The following EHF variants were observed in gnomAD, a reference collection of about 807,000 sequenced individuals.
The protein encoded by EHF is ETS homologous factor.
EHF carries 14 observed loss-of-function variants against 45.1 expected under a neutral mutation model. The ratio of observed to expected loss-of-function variants is 0.31; its 90% CI spans 0.21 to 0.49. The LOEUF (loss-of-function observed/expected upper bound fraction) is 0.49, where lower values mean the gene tolerates loss of function less well. Ranked by LOEUF, EHF falls within the 20% of genes least tolerant of loss-of-function variation. EHF has a pLI of 0.99. For synonymous variants in EHF, 136 were observed against 131.8 expected (o/e 1.03, Z -0.22); for missense variants, 282 against 371.4 (o/e 0.76, Z 1.98).
chr11:34,651,016 C>A (rs1422622721), intron 4 of EHF, among the ~76,000 whole-genome samples: 3 of 151,936 alleles, frequency 2.0e-5, no homozygotes, highest in Non-Finnish European at 4.4e-5. Flanking sequence ...GGGCTGTCAC[C>A]CAACTTGGAT....
Position 34,651,869 on chromosome 11 carries a change from CCA to C in EHF, c.544+65_544+66del. ...GCTTAGGGAGAATCAGTGGGAATTACCAACACTCTACATTTCTGCCTTTCTGG... is the reference window on the plus strand; with the variant it reads ...GCTTAGGGAGAATCAGTGGGAATTACACACTCTACATTTCTGCCTTTCTGG... On this transcript the variant is annotated intron_variant, in intron 6 of 8. Coordinates refer to ENST00000257831, the MANE Select transcript of EHF (RefSeq NM_012153.6). 5 of 1,456,190 alleles carry C rather than the reference CCA, an allele frequency of 3.4e-6. No individual in the cohort carries two copies. The Admixed American group carries it at 9.1e-5, about 27-fold the overall frequency. The allele number at this position is 1,456,190 out of a possible 1,614,324, so 90.2% of individuals were successfully genotyped here. A position where few individuals can be genotyped will look rare whatever the true frequency, so the allele number is the denominator to read the frequency against.
intron 7 of EHF, among the ~76,000 whole-genome samples, chr11:34,657,312 C>T (rs1341316391): frequency 6.6e-6 from 1 of 152,150 alleles, no homozygotes; most frequent in Non-Finnish European, 1.5e-5. Flanking sequence ...TAAGAAGAAA[C>T]AGCTGAGATG....
intron 1 of EHF, chr11:34,632,364 C>A: frequency 1.1e-6 from 1 of 948,936 alleles, no homozygotes; most frequent in Non-Finnish European, 1.5e-6. Context: ...ACTGAATTAA[C>A]AGCTCTGTTT....
intron 1 of EHF, among the ~76,000 whole-genome samples, chr11:34,634,260 T>C (rs1853182510): frequency 6.6e-6 from 1 of 152,214 alleles, no homozygotes; most frequent in Non-Finnish European, 1.5e-5. Flanking sequence ...GTCAGTAAGC[T>C]GTTGCAACAT....
At chr11:34,647,554 G>C (rs565641613) in intron 3 of EHF, among the ~76,000 whole-genome samples, 1 of 152,250 alleles carries the variant, frequency 6.6e-6, no homozygotes, top group Admixed American at 6.5e-5. Flanking sequence ...ATCCTGAAAA[G>C]TAGCAATATT....
chr11:34,631,681 AG>A (rs1322228089), intron 1 of EHF: 6 of 591,374 alleles, frequency 1.0e-5, no homozygotes, highest in African/African-American at 8.1e-5. Context: ...TCCGGGAACC[AG>A]GGGTTTTCAA....
rs187588467 is a variant in EHF, at chr11:34,622,488, C to T, written c.-4+1260C>T. 6.9e-3 allele frequency: 6,279 copies of T among 915,146 alleles called. 35 individuals carry two copies. Among genetic ancestry groups the T allele is most frequent in the Non-Finnish European group, 8.4e-3 (5,702 of 682,298 alleles). 56.7% of individuals were successfully genotyped at this position (915,146 alleles called of 1,614,324 possible). ...GATTCTGTGTGACTGTGTGTTAATT[C>T]CACTGGGGTCAGGGGAAAAATTTAT... On this transcript the variant is annotated intron_variant, in intron 1 of 8. Coordinates refer to ENST00000257831, the MANE Select transcript of EHF (RefSeq NM_012153.6).
intron 6 of EHF, among the ~76,000 whole-genome samples, chr11:34,655,739 C>CT (rs952926035): frequency 7.9e-5 from 12 of 152,178 alleles, no homozygotes; most frequent in Middle Eastern, 3.4e-3. Context: ...TAAACAGTAG[C>CT]TTTTTTTTCT....
At chr11:34,654,005 C>G (rs191685016) in intron 6 of EHF, among the ~76,000 whole-genome samples, 1 of 152,192 alleles carries the variant, frequency 6.6e-6, no homozygotes, top group African/African-American at 2.4e-5. Flanking sequence ...CATGCCAGCT[C>G]GGGCTTGATG....
chr11:34,633,898 C>G (rs762644351), intron 1 of EHF, among the ~76,000 whole-genome samples: 49 of 152,084 alleles, frequency 3.2e-4, no homozygotes, highest in Non-Finnish European at 6.2e-4. Flanking sequence ...TGTATATTTC[C>G]AAATGGCTTA....
intron 1 of EHF, chr11:34,632,631 C>G: frequency 6.5e-7 from 1 of 1,535,630 alleles, no homozygotes; most frequent in Non-Finnish European, 8.7e-7. Context: ...TGCTTTTAAG[C>G]CTAGCTGAAA....
At chr11:34,634,177 C>T (rs1853171353) in intron 1 of EHF, among the ~76,000 whole-genome samples, 1 of 148,882 alleles carries the variant, frequency 6.7e-6, no homozygotes, top group Admixed American at 6.9e-5. Flanking sequence ...AGTTGCCTTT[C>T]ACATGTACAT....
chr11:34,640,909 C>T (rs1158595169), intron 1 of EHF, among the ~76,000 whole-genome samples: 2 of 152,150 alleles, frequency 1.3e-5, no homozygotes, highest in African/African-American at 2.4e-5. Flanking sequence ...GCTCGAGGTA[C>T]AGAAACTCAT....
chr11:34,655,111 T>C (rs1855537922), intron 6 of EHF, among the ~76,000 whole-genome samples: 1 of 152,140 alleles, frequency 6.6e-6, no homozygotes, highest in Admixed American at 6.5e-5. Context: ...GAAGTCTCCT[T>C]GCATTTCCTG....
At position 34,661,221 on chromosome 11, in the gene EHF, G is replaced by A. The variant is rs539235400; in HGVS notation, c.*2290G>A. The stretch of plus-strand genomic sequence containing the variant: ...ATCCAGTTACTTGAATGGGTATAAC[G>A]CATGAATATTTGTGTGTCTGTGTGT... On this transcript the variant is annotated 3_prime_UTR_variant, in exon 9 of 9. Transcript: ENST00000257831. 2.0e-5 allele frequency among the ~76,000 whole-genome samples: 3 copies of A among 152,114 alleles called. No individual in the cohort carries two copies. Among genetic ancestry groups the A allele is most frequent in the Admixed American group, 1.3e-4 (2 of 15,252 alleles).
intron 1 of EHF, among the ~76,000 whole-genome samples, chr11:34,634,211 G>T (rs1342033594): frequency 6.6e-6 from 1 of 151,978 alleles, no homozygotes; most frequent in Admixed American, 6.6e-5. Context: ...TCTTATTTGG[G>T]AGTAGTCCTT....
intron 1 of EHF, among the ~76,000 whole-genome samples, chr11:34,636,715 T>C (rs1394297419): frequency 6.6e-6 from 1 of 152,082 alleles, no homozygotes; most frequent in African/African-American, 2.4e-5. Flanking sequence ...GAGCCCTTAT[T>C]CTTTTAAGAG....
chr11:34,625,345 A>G (rs1852280002), intron 1 of EHF, among the ~76,000 whole-genome samples: 1 of 152,208 alleles, frequency 6.6e-6, no homozygotes, highest in Admixed American at 6.5e-5. Context: ...GGAACAGCCT[A>G]TGCACAGGGG....
intron 4 of EHF, among the ~76,000 whole-genome samples, chr11:34,649,680 T>C (rs1854952053): frequency 6.6e-6 from 1 of 152,156 alleles, no homozygotes; most frequent in Non-Finnish European, 1.5e-5. Flanking sequence ...TTCATTTTCG[T>C]TTCCTTTCCC....
Sources: gnomAD v4.1 joint callset for allele counts (sites outside exome capture counted in the v4.1 genomes callset) on GRCh38, gnomAD v4.1.1 for gene constraint, MANE v1.5 for transcripts, NCBI Gene and HGNC (gene_info 2026-07-23, HGNC 2026-07-21) for gene names.